PCDHA9: variants seen among roughly 807,000 people sequenced by gnomAD.
PCDHA9 encodes protocadherin alpha 9.
In PCDHA9, 62 loss-of-function variants were observed where a neutral mutation model predicts 62.0. The observed-to-expected ratio is 1.00, with a 90% CI of 0.81 to 1.23. The LOEUF (loss-of-function observed/expected upper bound fraction) is 1.23, where lower values mean the gene tolerates loss of function less well. PCDHA9 is among the 50% of genes most tolerant of loss of function. PCDHA9 has a pLI of 0.00. For synonymous variants in PCDHA9, 557 were observed against 567.6 expected (o/e 0.98, Z 0.27); for missense variants, 1,205 against 1,249.8 (o/e 0.96, Z 0.54).
At position 140,887,505 on chromosome 5, in the gene PCDHA9, T is replaced by G. The variant is rs185975578; in HGVS notation, c.2394+36616T>G. On this transcript the variant is annotated intron_variant, in intron 1 of 3. Transcript: ENST00000532602. ...GGCTTGCATAGTTTCTAATAAGATG[T>G]TTGCTTTTTTATATATGAGTCTTCC... Among the ~76,000 whole-genome samples, 465 of 152,304 alleles carry G rather than the reference T, an allele frequency of 3.1e-3. 3 individuals carry two copies. The highest frequency in any genetic ancestry group is 0.014 in the Middle Eastern group (4 of 294).
intron 1 of PCDHA9, chr5:140,858,194 T>C: frequency 1.9e-6 from 3 of 1,596,986 alleles, no homozygotes; most frequent in Non-Finnish European, 1.7e-6. Context: ...GCTGCTGCTG[T>C]ACACTGCACT....
chr5:140,916,864 T>A (rs2077768356), intron 1 of PCDHA9, among the ~76,000 whole-genome samples: 1 of 152,156 alleles, frequency 6.6e-6, no homozygotes, highest in African/African-American at 2.4e-5. Flanking sequence ...AGGAGTTACC[T>A]AGGAATTGCA....
intron 1 of PCDHA9, among the ~76,000 whole-genome samples, chr5:140,904,464 T>G (rs2071152048): frequency 1.3e-5 from 2 of 151,802 alleles, no homozygotes; most frequent in South Asian, 4.1e-4. Context: ...CACTTGTTGA[T>G]TGGTGGCTAT....
chr5:140,998,565 A>G, intron 3 of PCDHA9, among the ~76,000 whole-genome samples: 1 of 113,790 alleles, frequency 8.8e-6, no homozygotes. Context: ...TTTATTGTAA[A>G]TAAGTTTTTT....
chr5:140,941,447 C>T (rs1180553779), intron 1 of PCDHA9, among the ~76,000 whole-genome samples: 1 of 150,780 alleles, frequency 6.6e-6, no homozygotes, highest in South Asian at 2.1e-4. Flanking sequence ...TCGGGAGTAG[C>T]TGGGATTACA....
At chr5:141,002,550 G>A (rs1458455103) in intron 3 of PCDHA9, among the ~76,000 whole-genome samples, 1 of 152,186 alleles carries the variant, frequency 6.6e-6, no homozygotes, top group African/African-American at 2.4e-5. Context: ...TGAGTCCCAG[G>A]ATCCACCAGT....
chr5:140,976,798 A>G (rs571590033), intron 1 of PCDHA9, among the ~76,000 whole-genome samples: 169 of 152,368 alleles, frequency 1.1e-3, no homozygotes, highest in Admixed American at 1.8e-3. Context: ...GCTTTTATGA[A>G]TATCTGAAGA....
At chr5:140,927,478 C>A (rs959432734) in intron 1 of PCDHA9, 1 of 1,614,062 alleles carries the variant, frequency 6.2e-7, no homozygotes, top group Non-Finnish European at 8.5e-7. Context: ...TCGCGAACAG[C>A]GCGCCACCCA....
intron 1 of PCDHA9, chr5:140,929,083 A>G (rs1554206659): frequency 1.2e-6 from 2 of 1,614,156 alleles, no homozygotes; most frequent in Admixed American, 3.3e-5. Context: ...TGGAAGTAAG[A>G]TGGTTTCAAA....
chr5:140,927,459 A>G (rs2084222098), intron 1 of PCDHA9: 1 of 1,614,018 alleles, frequency 6.2e-7, no homozygotes, highest in Non-Finnish European at 8.5e-7. Flanking sequence ...TGTTGGAGAA[A>G]GCACTGGATC....
At chr5:140,877,270 G>C in intron 1 of PCDHA9, 2 of 1,613,864 alleles carry the variant, frequency 1.2e-6, no homozygotes, top group Non-Finnish European at 1.7e-6. Context: ...GGTGGACGCT[G>C]ACTCCGGCTA....
chr5:141,006,002 G>T (rs185630910), intron 3 of PCDHA9, among the ~76,000 whole-genome samples: 1 of 151,740 alleles, frequency 6.6e-6, no homozygotes, highest in East Asian at 1.9e-4. Context: ...CTGAAAGAAG[G>T]CCTGTATGGT....
At position 141,010,340 on chromosome 5, in the gene PCDHA9, C is replaced by T. The variant is rs1400539624; in HGVS notation, c.*403C>T. 2 of 1,533,798 alleles carry T rather than the reference C, an allele frequency of 1.3e-6. No homozygotes were observed. Among genetic ancestry groups the T allele is most frequent in the Non-Finnish European group, 1.8e-6 (2 of 1,140,544 alleles). On this transcript the variant is annotated 3_prime_UTR_variant, in exon 4 of 4. Coordinates refer to ENST00000532602, the MANE Select transcript of PCDHA9 (RefSeq NM_031857.2). ...TGAGCAGCTTGGGAGTTTGTGGCCA[C>T]TGGGTATGTGTGGCTACCGCGGGTA...
intron 1 of PCDHA9, among the ~76,000 whole-genome samples, chr5:140,935,583 C>T (rs1182817725): frequency 1.3e-5 from 2 of 152,168 alleles, no homozygotes; most frequent in Admixed American, 6.5e-5. Flanking sequence ...AGTTAAGCCA[C>T]CAGCTAGATA....
chr5:140,966,934 G>C (rs782780798), intron 1 of PCDHA9: 3 of 1,604,080 alleles, frequency 1.9e-6, no homozygotes, highest in Non-Finnish European at 2.5e-6. Flanking sequence ...CACCCGGCGC[G>C]CTCGTGGGCA....
Position 140,857,147 on chromosome 5 carries a change from G to A in PCDHA9, c.2394+6258G>A, listed in dbSNP as rs145115378. 1.4e-4 allele frequency: 222 copies of A among 1,598,286 alleles called. 15 individuals carry two copies. The African/African-American group carries it at 2.2e-3, about 15-fold the overall frequency. ...GAAAGAAGATGCTCAAGTGGGCACC[G>A]TCATTGCCCTAATCAGCGTTTCTGA... On this transcript the variant is annotated intron_variant, in intron 1 of 3. Coordinates refer to ENST00000532602, the MANE Select transcript of PCDHA9 (RefSeq NM_031857.2).
intron 1 of PCDHA9, among the ~76,000 whole-genome samples, chr5:140,937,756 C>CA (rs2091723973): frequency 1.3e-5 from 2 of 151,360 alleles, no homozygotes; most frequent in African/African-American, 4.9e-5. Flanking sequence ...ACTAAAAATA[C>CA]AAAAAATTAG....
At chr5:140,884,656 G>GA (rs1317691755) in intron 1 of PCDHA9, 2 of 1,602,060 alleles carry the variant, frequency 1.2e-6, no homozygotes, top group Non-Finnish European at 1.7e-6. Flanking sequence ...CAGAATGCTT[G>GA]AAAGAGGTAA....
At chr5:140,994,474 G>A (rs545568699) in intron 3 of PCDHA9, among the ~76,000 whole-genome samples, 27 of 152,078 alleles carry the variant, frequency 1.8e-4, no homozygotes, top group Non-Finnish European at 2.9e-4. Flanking sequence ...AGGCTGAGGC[G>A]GGTGGATTGC....
Sources: gnomAD v4.1 joint callset for allele counts (sites outside exome capture counted in the v4.1 genomes callset) on GRCh38, gnomAD v4.1.1 for gene constraint, MANE v1.5 for transcripts, NCBI Gene and HGNC (gene_info 2026-07-23, HGNC 2026-07-21) for gene names.